CDH19: variants seen among roughly 807,000 people sequenced by gnomAD.
CDH19 encodes cadherin 19.
In CDH19, 67 loss-of-function variants were observed where a neutral mutation model predicts 64.2. The ratio of observed to expected loss-of-function variants is 1.04; its 90% CI spans 0.86 to 1.28. CDH19 has a LOEUF of 1.28. Ranked by LOEUF, CDH19 falls within the 50% of genes most tolerant of loss-of-function variation. The probability of loss-of-function intolerance (pLI) is 0.00; values close to 1 mark genes in which losing one functional copy is unlikely to be tolerated. For missense variants in CDH19, 1,030 were observed against 929.0 expected, an observed-to-expected ratio of 1.11 and a Z score of -1.41; for synonymous variants, 346 against 319.3, an observed-to-expected ratio of 1.08 and a Z score of -0.89.
chr18:66,536,748 T>C (rs906069702), intron 7 of CDH19, among the ~76,000 whole-genome samples: 1 of 151,848 alleles, frequency 6.6e-6, no homozygotes, highest in Non-Finnish European at 1.5e-5. Flanking sequence ...ATTCTCGTTA[T>C]GTAAGTTTTC....
intron 2 of CDH19, among the ~76,000 whole-genome samples, chr18:66,571,332 T>G (rs1191391091): frequency 6.6e-6 from 1 of 151,628 alleles, no homozygotes; most frequent in Non-Finnish European, 1.5e-5. Flanking sequence ...TAAATTTTAG[T>G]GCCAGTTAAT....
At chr18:66,593,670 A>G (rs1988806105) in intron 1 of CDH19, among the ~76,000 whole-genome samples, 1 of 152,094 alleles carries the variant, frequency 6.6e-6, no homozygotes, top group South Asian at 2.1e-4. Flanking sequence ...ATAAAGAATA[A>G]TTCTGGTTAT....
chr18:66,597,405 T>A (rs1486725518), intron 1 of CDH19, among the ~76,000 whole-genome samples: 6 of 152,008 alleles, frequency 3.9e-5, no homozygotes, highest in African/African-American at 1.4e-4. Context: ...GCTAGGCATA[T>A]TCAGAAGATT....
intron 1 of CDH19, among the ~76,000 whole-genome samples, chr18:66,589,496 T>C (rs1988680975): frequency 2.0e-5 from 3 of 151,926 alleles, no homozygotes; most frequent in Non-Finnish European, 4.4e-5. Context: ...GCTGATGTTG[T>C]GATAGTAGCT....
At chr18:66,578,530 T>C (rs1019943103) in intron 1 of CDH19, among the ~76,000 whole-genome samples, 1 of 151,914 alleles carries the variant, frequency 6.6e-6, no homozygotes, top group Non-Finnish European at 1.5e-5. Flanking sequence ...CTAGTGTGAA[T>C]GTAAAATCGC....
In CDH19 at chr18:66,560,013, TTTTG is replaced by T. The variant is rs569215045; in HGVS notation, c.491-5493_491-5490del. ...AAGGACCAAGTATGGTCCAGGCATT[TTTTG>T]TTTGTTTGTTTCTTTTGTTTTGTTT... On this transcript the variant is annotated intron_variant, in intron 3 of 11. Transcript: ENST00000262150. 1.4e-3 allele frequency among the ~76,000 whole-genome samples: 219 copies of T among 152,080 alleles called. 8 individuals carry two copies. The South Asian group carries it at 0.041, about 28-fold the overall frequency.
chr18:66,534,691 C>T (rs1986589530), intron 8 of CDH19, among the ~76,000 whole-genome samples: 1 of 151,666 alleles, frequency 6.6e-6, no homozygotes, highest in Non-Finnish European at 1.5e-5. Context: ...CGAAATCATC[C>T]ACCTAAATAA....
At chr18:66,600,423 T>C (rs1421568838) in intron 1 of CDH19, among the ~76,000 whole-genome samples, 2 of 151,872 alleles carry the variant, frequency 1.3e-5, no homozygotes, top group Non-Finnish European at 2.9e-5. Flanking sequence ...TATTGCTTTT[T>C]CCTTTTTTAT....
intron 7 of CDH19, among the ~76,000 whole-genome samples, chr18:66,542,284 C>T (rs1986917441): frequency 6.6e-6 from 1 of 152,086 alleles, no homozygotes; most frequent in African/African-American, 2.4e-5. Context: ...AAAGTGGGAA[C>T]ATTTCTTGGT....
intron 1 of CDH19, among the ~76,000 whole-genome samples, chr18:66,592,264 A>C (rs988519638): frequency 5.9e-5 from 9 of 151,914 alleles, no homozygotes; most frequent in African/African-American, 2.2e-4. Flanking sequence ...TGAACAAATA[A>C]TTGTACATAT....
chr18:66,591,859 G>A (rs966954434), intron 1 of CDH19, among the ~76,000 whole-genome samples: 1 of 151,764 alleles, frequency 6.6e-6, no homozygotes, highest in African/African-American at 2.4e-5. Flanking sequence ...GCTTCAGTGA[G>A]TATCTGCCTA....
chr18:66,555,873 T>C (rs1987499719), intron 3 of CDH19, among the ~76,000 whole-genome samples: 1 of 151,826 alleles, frequency 6.6e-6, no homozygotes, highest in Non-Finnish European at 1.5e-5. Flanking sequence ...ATCATTTCTT[T>C]CCATAAGGGG....
At position 66,543,656 on chromosome 18, in the gene CDH19, C is replaced by A. The variant is rs549771508; in HGVS notation, c.1214+315G>T. Among the ~76,000 whole-genome samples, 131 of 151,956 alleles carry A rather than the reference C, an allele frequency of 8.6e-4. 1 individual carries two copies. The highest frequency in any genetic ancestry group is 3.4e-3 in the Middle Eastern group (1 of 294). On this transcript the variant is annotated intron_variant, in intron 7 of 11. Coordinates refer to ENST00000262150, the MANE Select transcript of CDH19 (RefSeq NM_021153.4). ...TGCCAGCATTTTGGGAGGCCGAGGC[C>A]GGTGGATCACGAGGTCAGGAGTTCG...
chr18:66,602,574 T>A (rs964628436), intron 1 of CDH19, among the ~76,000 whole-genome samples: 15 of 151,908 alleles, frequency 9.9e-5, no homozygotes, highest in African/African-American at 3.6e-4. Flanking sequence ...GATGTGTCTG[T>A]GTGTGCCTAA....
rs1568176681 is a variant in CDH19, at chr18:66,521,922, TTGTTGTTGTTG to T, written c.1458+7912_1458+7922del. Among the ~76,000 whole-genome samples, 919 of 109,150 alleles carry T rather than the reference TTGTTGTTGTTG, an allele frequency of 8.4e-3. 19 individuals carry two copies. The East Asian group carries it at 0.14, about 16-fold the overall frequency. 71.6% of individuals were successfully genotyped at this position (109,150 alleles called of 152,430 possible). A position where few individuals can be genotyped will look rare whatever the true frequency, so the allele number is the denominator to read the frequency against. The stretch of plus-strand genomic sequence containing the variant: ...GTTTATGTAGTTACTTGTTCTGTTG[TTGTTGTTGTTG>T]TTGTTGTTGTTGTTGTTGTTGTTGT... On this transcript the variant is annotated intron_variant, in intron 9 of 11. Transcript: ENST00000262150.
At chr18:66,588,930 T>A (rs1260222686) in intron 1 of CDH19, among the ~76,000 whole-genome samples, 1 of 151,392 alleles carries the variant, frequency 6.6e-6, no homozygotes, top group East Asian at 1.9e-4. Context: ...AAGCAGAGAA[T>A]AAACAAATAA....
chr18:66,590,057 C>T (rs1324991010), intron 1 of CDH19, among the ~76,000 whole-genome samples: 1 of 151,770 alleles, frequency 6.6e-6, no homozygotes. Flanking sequence ...AATATGTAGA[C>T]AAATAAGGGT....
rs551155861 is a variant in CDH19 at position 66,595,275 on chromosome 18, C to T, written c.-113+8679G>A. On this transcript the variant is annotated intron_variant, in intron 1 of 11. Coordinates refer to ENST00000262150, the MANE Select transcript of CDH19 (RefSeq NM_021153.4). ...ATCTTTACTTAATAACGTAACATCA[C>T]ACCTAGAGGAAATACAAAAACAAGA... Among the ~76,000 whole-genome samples, 6 of 151,490 alleles carry T rather than the reference C, an allele frequency of 4.0e-5. No homozygotes were observed. In the East Asian group the frequency reaches 9.7e-4, roughly 25 times the overall value.
intron 2 of CDH19, 94 bp downstream of exon 2, chr18:66,571,916 T>TA: frequency 4.5e-6 from 4 of 886,316 alleles, no homozygotes; most frequent in Non-Finnish European, 3.4e-6. Context: ...GGCTTCACTG[T>TA]AAAAATGTGG....
Sources: allele counts gnomAD v4.1 joint callset (sites outside exome capture counted in the v4.1 genomes callset), GRCh38; gene constraint gnomAD v4.1.1; transcripts MANE v1.5; gene names NCBI Gene and HGNC (gene_info 2026-07-23, HGNC 2026-07-21).